Variants in BCAT1 observed in about 807,000 individuals in gnomAD.
The protein encoded by BCAT1 is branched chain amino acid transaminase 1, also known as branched-chain-amino-acid aminotransferase, cytosolic.
BCAT1 carries 48 observed loss-of-function variants against 52.4 expected under a neutral mutation model. The observed-to-expected ratio is 0.92, with a 90% CI of 0.73 to 1.16. The LOEUF (loss-of-function observed/expected upper bound fraction) is 1.16. Among genes scored for constraint, BCAT1 ranks in the 50% most tolerant of loss-of-function variants. BCAT1 has a pLI of 0.00. For missense variants in BCAT1, 451 were observed against 457.1 expected (o/e 0.99, Z 0.12); for synonymous variants, 167 against 161.3 (o/e 1.04, Z -0.27).
chr12:24,835,601 C>T (rs1403393511), intron 8 of BCAT1, among the ~76,000 whole-genome samples: 2 of 145,972 alleles, frequency 1.4e-5, no homozygotes, highest in Admixed American at 6.8e-5. Flanking sequence ...ATTTAATTTA[C>T]TTTTAGAGAC....
chr12:24,910,386 T>C (rs1316689003), intron 1 of BCAT1, among the ~76,000 whole-genome samples: 1 of 41,450 alleles, frequency 2.4e-5, no homozygotes, highest in Non-Finnish European at 6.8e-5. Context: ...CAAAAATAAA[T>C]AAATAAATAA....
rs546797002 is a variant in BCAT1 at position 24,881,198 on chromosome 12, T to G, written c.390+103A>C. 1.5e-4 allele frequency: 125 copies of G among 818,552 alleles called. 4 individuals carry two copies. In the South Asian group the frequency reaches 2.1e-3, roughly 14 times the overall value. The allele number at this position is 818,552 out of a possible 1,614,324, so 50.7% of individuals were successfully genotyped here. ...ATAATGTTAATGTTCATATGGTTTG[T>G]ACTGAATATTTATCTAACTATTCAG... is the stretch of plus-strand genomic sequence containing the variant. On this transcript the variant is annotated intron_variant, in intron 4 of 10. Transcript: ENST00000261192.
chr12:24,878,231 C>T (rs930738915), intron 5 of BCAT1, among the ~76,000 whole-genome samples: 4 of 151,078 alleles, frequency 2.6e-5, no homozygotes, highest in Non-Finnish European at 5.9e-5. Flanking sequence ...TCTTAATAAA[C>T]GTCTTAGTAT....
chr12:24,921,682 C>G (rs1377364146), intron 1 of BCAT1, among the ~76,000 whole-genome samples: 1 of 152,152 alleles, frequency 6.6e-6, no homozygotes, highest in Non-Finnish European at 1.5e-5. Context: ...CCAGAGCTGA[C>G]AAGGAACAAC....
At position 24,881,297 on chromosome 12, in the gene BCAT1, A is replaced by G. The variant is rs775225903; in HGVS notation, c.390+4T>C. The G allele has an allele frequency of 6.3e-7, 1 of 1,593,704 alleles. No homozygotes were observed. Among genetic ancestry groups the G allele is most frequent in the Admixed American group, 1.7e-5 (1 of 59,340 alleles). ...ACACAAAAGAAACTCCTACACTTACATACCGGCAGAGTTGCCCTCACAGCA... is the reference window on the plus strand; with the variant it reads ...ACACAAAAGAAACTCCTACACTTACGTACCGGCAGAGTTGCCCTCACAGCA... On this transcript the variant is annotated splice_donor_region_variant and intron_variant, in intron 4 of 10. Transcript: ENST00000261192.
At chr12:24,906,734 A>T (rs1293917511) in intron 1 of BCAT1, among the ~76,000 whole-genome samples, 1 of 152,164 alleles carries the variant, frequency 6.6e-6, no homozygotes, top group Non-Finnish European at 1.5e-5. Context: ...CTCCTGCTCT[A>T]TGTAGTTGCT....
chr12:24,837,436 A>AT (rs35427447), intron 7 of BCAT1, among the ~76,000 whole-genome samples: 1,429 of 121,906 alleles, frequency 0.012, 11 homozygotes, highest in Middle Eastern at 0.027. Context: ...GGAAAGTCTA[A>AT]TTTTTTTTTT....
chr12:24,879,106 A>G (rs1366934631), intron 4 of BCAT1, among the ~76,000 whole-genome samples: 1 of 152,196 alleles, frequency 6.6e-6, no homozygotes, highest in Non-Finnish European at 1.5e-5. Flanking sequence ...AAAGTACAAA[A>G]TATCTCTGTG....
chr12:24,830,950 T>G (rs1395487234), intron 9 of BCAT1, among the ~76,000 whole-genome samples: 4 of 152,198 alleles, frequency 2.6e-5, no homozygotes, highest in Non-Finnish European at 5.9e-5. Flanking sequence ...TCCAATCAGC[T>G]GAGGGAAAAT....
chr12:24,859,383 G>A (rs551120206), intron 5 of BCAT1, among the ~76,000 whole-genome samples: 1 of 152,282 alleles, frequency 6.6e-6, no homozygotes, highest in East Asian at 1.9e-4. Flanking sequence ...CACTTTGGGA[G>A]GCTGAGGCGG....
chr12:24,904,272 G>A (rs3759087), intron 1 of BCAT1: 81,922 of 152,308 alleles, frequency 0.54, 22,202 homozygotes, highest in Admixed American at 0.6. Flanking sequence ...GCGCGATCTC[G>A]TCTAATTGCA....
At chr12:24,866,271 G>T (rs1446821346) in intron 5 of BCAT1, among the ~76,000 whole-genome samples, 2 of 152,234 alleles carry the variant, frequency 1.3e-5, no homozygotes, top group Non-Finnish European at 2.9e-5. Flanking sequence ...TGGCCCACCG[G>T]CGCCGCGCTA....
chr12:24,936,949 G>T (rs7298696), intron 1 of BCAT1, among the ~76,000 whole-genome samples: 136,711 of 152,050 alleles, frequency 0.9, 62,120 homozygotes, highest in East Asian at 1. Flanking sequence ...TTCTGGGGAT[G>T]AGGCTATGGG....
At chr12:24,943,502 A>AG in intron 1 of BCAT1, among the ~76,000 whole-genome samples, 1 of 150,742 alleles carries the variant, frequency 6.6e-6, no homozygotes, top group East Asian at 1.9e-4. Context: ...GGAAAAAAAA[A>AG]AAAAAAAAAA....
chr12:24,915,660 G>C (rs887632311), intron 1 of BCAT1, among the ~76,000 whole-genome samples: 1 of 152,312 alleles, frequency 6.6e-6, no homozygotes, highest in Admixed American at 6.5e-5. Context: ...CACAGACACA[G>C]GTGGCAGCAA....
intron 1 of BCAT1, among the ~76,000 whole-genome samples, chr12:24,947,334 G>A (rs771933449): frequency 2.6e-5 from 4 of 152,114 alleles, no homozygotes; most frequent in African/African-American, 4.8e-5. Context: ...TATATCCTAT[G>A]TTTCTTATCC....
At chr12:24,834,747 A>G in intron 8 of BCAT1, 1 of 1,142,024 alleles carries the variant, frequency 8.8e-7, no homozygotes, top group South Asian at 1.9e-5. Flanking sequence ...TATGTTGTTC[A>G]AAAGTAAATG....
intron 1 of BCAT1, among the ~76,000 whole-genome samples, chr12:24,938,755 A>T (rs1943805514): frequency 6.6e-6 from 1 of 151,540 alleles, no homozygotes; most frequent in African/African-American, 2.4e-5. Context: ...CTTAAATGTC[A>T]CCTCCCAATA....
At chr12:24,859,875 G>A (rs1941804537) in intron 5 of BCAT1, among the ~76,000 whole-genome samples, 1 of 152,106 alleles carries the variant, frequency 6.6e-6, no homozygotes, top group South Asian at 2.1e-4. Context: ...AAATCATACA[G>A]GAAGCACTGT....
Sources: allele counts gnomAD v4.1 joint callset (sites outside exome capture counted in the v4.1 genomes callset), GRCh38; gene constraint gnomAD v4.1.1; transcripts MANE v1.5; gene names NCBI Gene and HGNC (gene_info 2026-07-23, HGNC 2026-07-21).